The following RGS7 variants were observed in gnomAD, a reference collection of about 807,000 sequenced individuals.
RGS7 encodes the protein regulator of G-protein signaling 7.
RGS7 carries 27 observed loss-of-function variants against 81.1 expected under a neutral mutation model. The ratio of observed to expected loss-of-function variants is 0.33; its 90% CI spans 0.25 to 0.46. RGS7 has a LOEUF of 0.46. Among genes scored for constraint, RGS7 ranks in the 20% least tolerant of loss-of-function variants. The probability of loss-of-function intolerance (pLI) is 1.00; values close to 1 mark genes in which losing one functional copy is unlikely to be tolerated. For missense variants in RGS7, 396 were observed against 607.4 expected (o/e 0.65, Z 3.66); for synonymous variants, 208 against 207.7 (o/e 1.00, Z -0.01).
At chr1:240,886,463 G>C (rs548737473) in intron 6 of RGS7, among the ~76,000 whole-genome samples, 12 of 152,226 alleles carry the variant, frequency 7.9e-5, no homozygotes, top group Middle Eastern at 6.8e-3. Context: ...CAACCCTGTG[G>C]CATCTTGCTT....
At chr1:240,888,646 A>T (rs1667771099) in intron 6 of RGS7, among the ~76,000 whole-genome samples, 1 of 152,206 alleles carries the variant, frequency 6.6e-6, no homozygotes, top group South Asian at 2.1e-4. Flanking sequence ...CTATTCAAGA[A>T]TTTCACATAC....
intron 3 of RGS7, among the ~76,000 whole-genome samples, chr1:241,003,218 T>G (rs1300893559): frequency 6.6e-6 from 1 of 152,070 alleles, no homozygotes; most frequent in Non-Finnish European, 1.5e-5. Flanking sequence ...TCCCAGCACT[T>G]TGGGAGGCCA....
At chr1:241,039,649 C>T (rs183013463) in intron 3 of RGS7, among the ~76,000 whole-genome samples, 1 of 151,912 alleles carries the variant, frequency 6.6e-6, no homozygotes. Context: ...AACCGAGTTT[C>T]AACACTTGGA....
chr1:241,221,039 A>AAAAGAAAGAAAG (rs60833569), intron 2 of RGS7, among the ~76,000 whole-genome samples: 7 of 92,792 alleles, frequency 7.5e-5, no homozygotes, highest in East Asian at 9.5e-4. Flanking sequence ...GGAAGGAAGG[A>AAAAGAAAGAAAG]AAAGAAAGAA....
chr1:240,891,770 C>G (rs1424419222), intron 6 of RGS7, among the ~76,000 whole-genome samples: 2 of 152,054 alleles, frequency 1.3e-5, no homozygotes, highest in Non-Finnish European at 2.9e-5. Context: ...GTGGATAACC[C>G]CCATGACTTT....
intron 2 of RGS7, among the ~76,000 whole-genome samples, chr1:241,241,473 G>T (rs541612531): frequency 6.6e-6 from 1 of 152,164 alleles, no homozygotes; most frequent in South Asian, 2.1e-4. Context: ...CATGTTCCAC[G>T]GGCTTAAACA....
intron 2 of RGS7, among the ~76,000 whole-genome samples, chr1:241,293,178 A>C (rs1425379718): frequency 6.6e-6 from 1 of 152,244 alleles, no homozygotes; most frequent in African/African-American, 2.4e-5. Context: ...ACACTGTAGC[A>C]GTCATAAAGT....
chr1:240,821,763 A>G (rs1480630012), intron 10 of RGS7, among the ~76,000 whole-genome samples: 1 of 152,238 alleles, frequency 6.6e-6, no homozygotes, highest in Admixed American at 6.5e-5. Context: ...TGTTAACTGT[A>G]ATATTTAGTG....
chr1:241,282,092 G>T (rs7417310), intron 2 of RGS7, among the ~76,000 whole-genome samples: 1 of 151,960 alleles, frequency 6.6e-6, no homozygotes, highest in Non-Finnish European at 1.5e-5. Flanking sequence ...CCTGTCACCC[G>T]AGTAGTGAGC....
chr1:240,813,594 C>T (rs564919688), intron 13 of RGS7, 24 bp downstream of exon 13: 7 of 1,382,574 alleles, frequency 5.1e-6, no homozygotes, highest in African/African-American at 1.4e-5. Flanking sequence ...AACATATGGG[C>T]GAGAAAGATA....
In RGS7 at chr1:241,116,980, T is replaced by A. The variant is rs562651679; in HGVS notation, c.79-18218A>T. ...CATTCCTTTTTAGAGATAAGAGAGC[T>A]AGGGTTCTGAGAATTAAACCGATAG... is the stretch of plus-strand genomic sequence containing the variant. On this transcript the variant is annotated intron_variant, in intron 2 of 18. Transcript: ENST00000440928. 3.3e-5 allele frequency among the ~76,000 whole-genome samples: 5 copies of A among 152,246 alleles called. No homozygotes were observed. In the South Asian group the frequency reaches 1.0e-3, roughly 32 times the overall value.
At chr1:240,819,452 G>C (rs1029617305) in intron 10 of RGS7, among the ~76,000 whole-genome samples, 1 of 152,144 alleles carries the variant, frequency 6.6e-6, no homozygotes, top group Non-Finnish European at 1.5e-5. Flanking sequence ...ATAGAGGTCC[G>C]ATACGAGGCC....
intron 6 of RGS7, among the ~76,000 whole-genome samples, chr1:240,883,948 C>T (rs1350251799): frequency 1.3e-5 from 2 of 151,742 alleles, no homozygotes; most frequent in Non-Finnish European, 2.9e-5. Context: ...TGGTGGCACA[C>T]GTCTATAATC....
intron 6 of RGS7, among the ~76,000 whole-genome samples, chr1:240,905,849 G>A (rs1231472509): frequency 1.3e-5 from 2 of 152,146 alleles, no homozygotes; most frequent in African/African-American, 4.8e-5. Flanking sequence ...CTCTAATCCC[G>A]CCATTGCATG....
At chr1:240,933,155 T>A (rs545181050) in intron 5 of RGS7, among the ~76,000 whole-genome samples, 9 of 151,806 alleles carry the variant, frequency 5.9e-5, no homozygotes, top group African/African-American at 2.2e-4. Context: ...GTGCTGGGAT[T>A]ACAGGTGTGA....
At chr1:241,226,669 T>C (rs1225438232) in intron 2 of RGS7, among the ~76,000 whole-genome samples, 3 of 152,180 alleles carry the variant, frequency 2.0e-5, no homozygotes, top group African/African-American at 7.2e-5. Flanking sequence ...GGAATTTACA[T>C]AGTGGTGAAA....
intron 3 of RGS7, among the ~76,000 whole-genome samples, chr1:241,017,849 AT>A (rs1165245823): frequency 6.6e-6 from 1 of 151,546 alleles, no homozygotes; most frequent in Non-Finnish European, 1.5e-5. Context: ...TATGTTGTCT[AT>A]TTTTTTCATC....
rs149654856 is a variant in RGS7 at position 240,847,672 on chromosome 1, T to C, written c.610-20500A>G. ...CTTTAGATTAAAGAAATAACATAAATTTTGCATGAGACTTTTCGAAATCAT... is the reference window on the plus strand; with the variant it reads ...CTTTAGATTAAAGAAATAACATAAACTTTGCATGAGACTTTTCGAAATCAT... On this transcript the variant is annotated intron_variant, in intron 9 of 18. Coordinates refer to ENST00000440928, the MANE Select transcript of RGS7 (RefSeq NM_001364886.1). 4.6e-3 allele frequency among the ~76,000 whole-genome samples: 697 copies of C among 152,322 alleles called. 7 individuals are homozygous for C. The highest frequency in any genetic ancestry group is 0.016 in the African/African-American group (672 of 41,570).
At chr1:240,979,299 G>A (rs1367069296) in intron 4 of RGS7, among the ~76,000 whole-genome samples, 1 of 152,036 alleles carries the variant, frequency 6.6e-6, no homozygotes, top group Non-Finnish European at 1.5e-5. Context: ...TTTCATATAT[G>A]TAAACAATAA....
Sources: gnomAD v4.1 joint callset for allele counts (sites outside exome capture counted in the v4.1 genomes callset) on GRCh38, gnomAD v4.1.1 for gene constraint, MANE v1.5 for transcripts, NCBI Gene and HGNC (gene_info 2026-07-23, HGNC 2026-07-21) for gene names.